Variants in NFIL3 observed in about 807,000 individuals in gnomAD.
NFIL3 encodes nuclear factor, interleukin 3 regulated, also known as nuclear factor interleukin-3-regulated protein.
Under a neutral mutation model 10.0 loss-of-function variants are expected in NFIL3, and 5 were observed. The observed-to-expected ratio is 0.50, with a 90% CI of 0.26 to 1.06. The LOEUF is 1.06. Ranked by LOEUF, NFIL3 falls within the 50% of genes least tolerant of loss-of-function variation. The pLI is 0.13. For synonymous variants in NFIL3, 202 were observed against 206.5 expected (o/e 0.98, Z 0.19); for missense variants, 436 against 547.6 (o/e 0.80, Z 2.03).
the NFIL3 span, among the ~76,000 whole-genome samples, chr9:91,441,979 C>T: frequency 6.6e-6 from 1 of 152,316 alleles, no homozygotes; most frequent in South Asian, 2.1e-4. Flanking sequence ...TTTGCCTGTA[C>T]TCATACATAT....
chr9:91,420,702 A>T (rs1341450095), intron 1 of NFIL3, among the ~76,000 whole-genome samples: 1 of 152,196 alleles, frequency 6.6e-6, no homozygotes, highest in Non-Finnish European at 1.5e-5. Flanking sequence ...CAAAGAGCAG[A>T]TTGCGTTGAT....
intron 1 of NFIL3, among the ~76,000 whole-genome samples, chr9:91,420,781 G>C (rs944882047): frequency 2.6e-5 from 4 of 152,194 alleles, no homozygotes; most frequent in Non-Finnish European, 4.4e-5. Flanking sequence ...AAGTCTTTAT[G>C]CGAGGATGAA....
chr9:91,425,875 C>A (rs1396647674), upstream of NFIL3, among the ~76,000 whole-genome samples: 2 of 152,176 alleles, frequency 1.3e-5, no homozygotes, highest in Non-Finnish European at 2.9e-5. Context: ...AAAATCATAT[C>A]CATATTAGTT....
chr9:91,429,971 C>G, the NFIL3 span, among the ~76,000 whole-genome samples: 1 of 152,020 alleles, frequency 6.6e-6, no homozygotes, highest in East Asian at 1.9e-4. Flanking sequence ...TTTTGACAAC[C>G]ATTTATAATT....
chr9:91,476,729 A>G, the NFIL3 span, among the ~76,000 whole-genome samples: 1 of 152,266 alleles, frequency 6.6e-6, no homozygotes. Flanking sequence ...ATACAATTCA[A>G]CATTTCTTAC....
intron 1 of NFIL3, among the ~76,000 whole-genome samples, chr9:91,421,816 CA>C (rs139322806): frequency 2.0e-5 from 3 of 151,134 alleles, no homozygotes; most frequent in South Asian, 2.1e-4. Flanking sequence ...CCACCTCCCA[CA>C]AAAAAAAACC....
chr9:91,427,814 A>C (rs150763581), upstream of NFIL3, among the ~76,000 whole-genome samples: 1 of 151,388 alleles, frequency 6.6e-6, no homozygotes, highest in Non-Finnish European at 1.5e-5. Context: ...CTAATTTTTT[A>C]ATTTTTTTTT....
the NFIL3 span, among the ~76,000 whole-genome samples, chr9:91,454,265 A>C: frequency 2.0e-5 from 3 of 151,854 alleles, no homozygotes; most frequent in African/African-American, 7.3e-5. Flanking sequence ...ATCACAAGTA[A>C]AATTACCCAT....
At chr9:91,431,774 G>A in the NFIL3 span, among the ~76,000 whole-genome samples, 1 of 152,168 alleles carries the variant, frequency 6.6e-6, no homozygotes, top group Non-Finnish European at 1.5e-5. Context: ...TGCAGGACTT[G>A]TGCTGCTCAA....
chr9:91,448,927 T>C, the NFIL3 span, among the ~76,000 whole-genome samples: 2 of 152,212 alleles, frequency 1.3e-5, no homozygotes, highest in Admixed American at 6.5e-5. Flanking sequence ...TAATTTTCAG[T>C]ATACAAGTCT....
chr9:91,439,232 G>A, the NFIL3 span, among the ~76,000 whole-genome samples: 1 of 151,932 alleles, frequency 6.6e-6, no homozygotes, highest in Non-Finnish European at 1.5e-5. Flanking sequence ...TTACCTCCTT[G>A]GTTAAATTTC....
chr9:91,434,102 T>C, the NFIL3 span, among the ~76,000 whole-genome samples: 4 of 152,120 alleles, frequency 2.6e-5, no homozygotes, highest in African/African-American at 9.7e-5. Context: ...TTCTAATGGA[T>C]ATTTTGAGAA....
chr9:91,426,899 C>T (rs1219795729), upstream of NFIL3: 1 of 152,152 alleles, frequency 6.6e-6, no homozygotes, highest in Non-Finnish European at 1.5e-5. Flanking sequence ...TACAGTGGAC[C>T]TCACTAGGCC....
chr9:91,476,690 C>A, the NFIL3 span, among the ~76,000 whole-genome samples: 2 of 152,164 alleles, frequency 1.3e-5, no homozygotes, highest in Non-Finnish European at 2.9e-5. Flanking sequence ...AACAAAAAAT[C>A]TCTGTGATGG....
At chr9:91,470,863 G>T in the NFIL3 span, among the ~76,000 whole-genome samples, 2 of 152,210 alleles carry the variant, frequency 1.3e-5, no homozygotes, top group South Asian at 4.1e-4. Context: ...GTTCTAGTTT[G>T]ATTGCACTGT....
intron 1 of NFIL3, among the ~76,000 whole-genome samples, chr9:91,422,325 C>A (rs1490565298): frequency 6.6e-6 from 1 of 152,128 alleles, no homozygotes; most frequent in Non-Finnish European, 1.5e-5. Context: ...AATAGCACTG[C>A]GAGGCCACAA....
At chr9:91,420,614 G>T (rs969149968) in intron 1 of NFIL3, among the ~76,000 whole-genome samples, 4 of 152,176 alleles carry the variant, frequency 2.6e-5, no homozygotes, top group Non-Finnish European at 5.9e-5. Flanking sequence ...ACTACTGCCT[G>T]TAACAGGAGG....
chr9:91,465,458 T>C, the NFIL3 span, among the ~76,000 whole-genome samples: 4 of 151,242 alleles, frequency 2.6e-5, no homozygotes, highest in African/African-American at 9.8e-5. Context: ...TTTATTCCAG[T>C]TTCATCTCCC....
At chr9:91,479,886 G>A in the NFIL3 span, among the ~76,000 whole-genome samples, 43 of 152,242 alleles carry the variant, frequency 2.8e-4, no homozygotes, top group East Asian at 8.1e-3. Flanking sequence ...GTCCCTCACG[G>A]CTTCCCTTGG....
Sources: gnomAD v4.1 joint callset for allele counts (sites outside exome capture counted in the v4.1 genomes callset) on GRCh38, gnomAD v4.1.1 for gene constraint, MANE v1.5 for transcripts, NCBI Gene and HGNC (gene_info 2026-07-23, HGNC 2026-07-21) for gene names.